Variants in ADAM11 observed in about 807,000 individuals in gnomAD.
ADAM11 encodes the protein disintegrin and metalloproteinase domain-containing protein 11.
A neutral mutation model predicts 119.1 loss-of-function variants in ADAM11; 49 were observed. The ratio of observed to expected loss-of-function variants is 0.41; its 90% CI spans 0.33 to 0.52. The LOEUF is 0.52. ADAM11 is among the 20% of genes least tolerant of loss of function. The probability of loss-of-function intolerance (pLI) is 0.20; values close to 1 mark genes in which losing one functional copy is unlikely to be tolerated. For synonymous variants in ADAM11, 364 were observed against 408.0 expected, an observed-to-expected ratio of 0.89 and a Z score of 1.30; for missense variants, 777 against 1,047.5, an observed-to-expected ratio of 0.74 and a Z score of 3.56.
chr17:44,775,652 C>T lies in ADAM11; in HGVS notation c.1461C>T (p.Asp487=). Residue 487 remains aspartate (D), a synonymous_variant, in exon 17 of 27, where the codon GAC becomes GAT. Transcript: ENST00000200557. This position sits in a 1 kb window ranked among gnomAD's most constrained non-coding sequence, Gnocchi z 7.5. ...TGACTCACGACGCCATGTGCAGCGA[C>T]GGGCTCTGCTGTCGCCGCTGCAAGG... ...CTLTHDAMCS[D]GLCCRRCKYE... is the part of the protein sequence containing the mutation. 2 of 1,590,450 alleles carry T rather than the reference C, an allele frequency of 1.3e-6. No individual in the cohort carries two copies. Among genetic ancestry groups the T allele is most frequent in the East Asian group, 4.5e-5 (2 of 44,230 alleles).
chr17:44,762,941 G>C (rs1254497567), intron 2 of ADAM11, among the ~76,000 whole-genome samples: 1 of 151,118 alleles, frequency 6.6e-6, no homozygotes, highest in East Asian at 1.9e-4. Context: ...GACTAGCCTG[G>C]GCACCATAGT....
In ADAM11 at chr17:44,769,892, A is replaced by G. The variant is rs752613329; in HGVS notation, c.315-90A>G. 19 of 1,604,394 alleles carry G rather than the reference A, an allele frequency of 1.2e-5. No homozygotes were observed. In the Admixed American group the frequency reaches 3.0e-4, roughly 25 times the overall value. On this transcript the variant is annotated intron_variant, in intron 3 of 26. Coordinates refer to ENST00000200557, the MANE Select transcript of ADAM11 (RefSeq NM_002390.6). Reference sequence around the variant, plus strand: ...GGGGGTCTGGGGGTTGGGCCTGGGCAGAGGGGACCTGGGTCCTGACCTGAG... The same window carrying G: ...GGGGGTCTGGGGGTTGGGCCTGGGCGGAGGGGACCTGGGTCCTGACCTGAG...
In ADAM11 at chr17:44,776,068, G is replaced by A. The variant is rs2049597126; in HGVS notation, c.1486-59G>A. 3 of 1,592,540 alleles carry A rather than the reference G, an allele frequency of 1.9e-6. No homozygotes were observed. The African/African-American group carries it at 4.0e-5, about 21-fold the overall frequency. ...GGGGGTCCAGAGAGCGAGGGGCCTG[G>A]GGAGGGCAGGGCCGAGGCATCCATC... is the stretch of plus-strand genomic sequence containing the variant. On this transcript the variant is annotated intron_variant, in intron 17 of 26. Transcript: ENST00000200557. This position sits in a 1 kb window ranked among gnomAD's most constrained non-coding sequence, Gnocchi z 5.2.
intron 4 of ADAM11, 125 bp downstream of exon 4, chr17:44,770,173 A>G (rs2049502528): frequency 6.0e-6 from 7 of 1,167,852 alleles, no homozygotes; most frequent in South Asian, 1.4e-5. Context: ...GCCCCTCAGC[A>G]CCTTCCCTCT....
rs2049596269 is a variant in ADAM11, at chr17:44,776,032, C to T, written c.1486-95C>T. 1.4e-6 allele frequency: 2 copies of T among 1,428,666 alleles called. No homozygotes were observed. Among genetic ancestry groups the T allele is most frequent in the Non-Finnish European group, 2.0e-6 (2 of 1,024,672 alleles). 88.5% of individuals were successfully genotyped at this position (1,428,666 alleles called of 1,614,324 possible). On this transcript the variant is annotated intron_variant, in intron 17 of 26. Coordinates refer to ENST00000200557, the MANE Select transcript of ADAM11 (RefSeq NM_002390.6). This position sits in a 1 kb window ranked among gnomAD's most constrained non-coding sequence, Gnocchi z 5.2. Reference sequence around the variant, plus strand: ...AACGGGGCCCTGGGGAGCTGGAGGGCCCGGGGATGTGGGGGTCCAGAGAGC... The same window carrying T: ...AACGGGGCCCTGGGGAGCTGGAGGGTCCGGGGATGTGGGGGTCCAGAGAGC...
intron 25 of ADAM11, among the ~76,000 whole-genome samples, chr17:44,778,713 A>AAAAG (rs71136047): frequency 0.043 from 3,462 of 80,218 alleles, 712 homozygotes; most frequent in African/African-American, 0.11. Context: ...AAAAAAAAAA[A>AAAAG]GAAAGAAAGA....
chr17:44,774,411 G>A (rs1312519614), intron 12 of ADAM11, 32 bp downstream of exon 12: 4 of 1,540,380 alleles, frequency 2.6e-6, no homozygotes, highest in Admixed American at 1.9e-5. Flanking sequence ...CTGGGGTGGC[G>A]GCTGAGGGAA....
Position 44,772,486 on chromosome 17 carries a change from C to T in ADAM11, c.678+20C>T. 1 of 1,557,180 alleles carries T rather than the reference C, an allele frequency of 6.4e-7. No homozygotes were observed. The highest frequency in any genetic ancestry group is 1.2e-5 in the South Asian group (1 of 84,750). The stretch of plus-strand genomic sequence containing the variant: ...AGGCAGGTACGGGGGCCCGCACAGA[C>T]CTCGGGCTGCAGAGACCTCGGGCTG... On this transcript the variant is annotated intron_variant, in intron 8 of 26. Transcript: ENST00000200557. The surrounding 1 kb of genome is among the most constrained non-coding windows in gnomAD (Gnocchi z 4.5).
chr17:44,777,972 G>A lies in ADAM11; in HGVS notation c.2091G>A (p.Lys697=), dbSNP rs1200798925. The A allele has an allele frequency of 1.2e-6, 2 of 1,614,092 alleles. No individual in the cohort carries two copies. The highest frequency in any genetic ancestry group is 8.5e-7 in the Non-Finnish European group (1 of 1,180,014). Residue 697 remains lysine (K), a synonymous_variant, in exon 24 of 27, where the codon AAG becomes AAA. Transcript: ENST00000200557. This position sits in a 1 kb window ranked among gnomAD's most constrained non-coding sequence, Gnocchi z 5.1. The part of the protein sequence containing the change: ...SHHGVCSNEG[K]CICQPDWTGK... ...TCTAGGTCTGCAGCAATGAAGGGAA[G>A]TGCATCTGTCAGCCAGACTGGACAG... is the stretch of plus-strand genomic sequence containing the variant.
rs751384064 is a variant in ADAM11, at chr17:44,774,572, G to A, written c.1158G>A (p.Arg386=). ...QNLGMMWNKH[R]SSAGDCKCPD... is the part of the protein sequence containing the mutation. ...TGGGCATGATGTGGAACAAACACCG[G>A]AGCTCGGCAGGTATCCTCCCCCAGA... is the stretch of plus-strand genomic sequence containing the variant. The change falls in exon 13 of 27, where the codon CGG becomes CGA. Residue 386 remains arginine (R), a synonymous_variant. Transcript: ENST00000200557. 6.2e-7 allele frequency: 1 copy of A among 1,613,134 alleles called. No homozygotes were observed. The highest frequency in any genetic ancestry group is 2.2e-5 in the East Asian group (1 of 44,864).
Position 44,780,098 on chromosome 17 carries a change from C to A in ADAM11, c.*344C>A, listed in dbSNP as rs1270788813. 1.6e-6 allele frequency: 1 copy of A among 641,754 alleles called. No individual in the cohort carries two copies. Among genetic ancestry groups the A allele is most frequent in the Admixed American group, 2.1e-5 (1 of 47,944 alleles). The allele number at this position is 641,754 out of a possible 1,614,324, so 39.8% of individuals were successfully genotyped here. A position where few individuals can be genotyped will look rare whatever the true frequency, so the allele number is the denominator to read the frequency against. Reference sequence around the variant, plus strand: ...TGCCCCCAGGCAGCCACCAGTGGACCTAGCCTGGATGGCCCCTCCTTGCAA... The same window carrying A: ...TGCCCCCAGGCAGCCACCAGTGGACATAGCCTGGATGGCCCCTCCTTGCAA... On this transcript the variant is annotated 3_prime_UTR_variant, in exon 27 of 27. Coordinates refer to ENST00000200557, the MANE Select transcript of ADAM11 (RefSeq NM_002390.6).
intron 26 of ADAM11, 56 bp from the exon 27 acceptor site, chr17:44,779,683 G>A (rs1457341254): frequency 5.1e-6 from 8 of 1,560,668 alleles, no homozygotes; most frequent in Non-Finnish European, 6.0e-6. Context: ...CCTGCTGGGG[G>A]GCTCTCCCCG....
At position 44,775,349 on chromosome 17, in the gene ADAM11, T is replaced by A. The variant is rs1471123028; in HGVS notation, c.1320+38T>A. The A allele has an allele frequency of 1.9e-6, 3 of 1,613,138 alleles. No homozygotes were observed. In the African/African-American group the frequency reaches 4.0e-5, roughly 22 times the overall value. The stretch of plus-strand genomic sequence containing the variant: ...CGGCGGGGAGCATGGGAGCGGGCCC[T>A]GGGCGGGGTCCGGGCCAGACTCCCG... On this transcript the variant is annotated intron_variant, in intron 15 of 26. Coordinates refer to ENST00000200557, the MANE Select transcript of ADAM11 (RefSeq NM_002390.6). The surrounding 1 kb of genome is among the most constrained non-coding windows in gnomAD (Gnocchi z 7.5).
intron 2 of ADAM11, 85 bp from the exon 3 acceptor site, chr17:44,769,633 G>T: frequency 2.4e-6 from 2 of 819,048 alleles, no homozygotes; most frequent in Non-Finnish European, 2.0e-6. Flanking sequence ...CCCTTCCCCA[G>T]GGCTACTGTT....
At position 44,774,343 on chromosome 17, in the gene ADAM11, C is replaced by T; in HGVS notation, c.1041C>T (p.Gly347=). Residue 347 remains glycine (G), a synonymous_variant, in exon 12 of 27, where the codon GGC becomes GGT. Transcript: ENST00000200557. ...GCAGCGGGGCAGCCTACGTGGGGGGCATATGCTCCCTGTCCCACGGCGGGG... is the reference window on the plus strand; with the variant it reads ...GCAGCGGGGCAGCCTACGTGGGGGGTATATGCTCCCTGTCCCACGGCGGGG... ...STSSGAAYVG[G]ICSLSHGGGV... The T allele has an allele frequency of 1.3e-6, 2 of 1,485,280 alleles. No individual in the cohort carries two copies. The highest frequency in any genetic ancestry group is 1.8e-6 in the Non-Finnish European group (2 of 1,112,700). 92.0% of individuals were successfully genotyped at this position (1,485,280 alleles called of 1,614,324 possible).
Position 44,779,905 on chromosome 17 carries a change from C to A in ADAM11, c.*151C>A. 8.7e-7 allele frequency: 1 copy of A among 1,150,884 alleles called. No individual in the cohort carries two copies. The highest frequency in any genetic ancestry group is 1.3e-6 in the Non-Finnish European group (1 of 792,240). 71.3% of individuals were successfully genotyped at this position (1,150,884 alleles called of 1,614,324 possible). On this transcript the variant is annotated 3_prime_UTR_variant, in exon 27 of 27. Coordinates refer to ENST00000200557, the MANE Select transcript of ADAM11 (RefSeq NM_002390.6). ...GGCTCCGCAGGGGTTTGGGTGGGGG[C>A]TGTGGCCCTGCCCTTGGCACCACCA...
At chr17:44,765,385 A>C (rs1197291778) in intron 2 of ADAM11, among the ~76,000 whole-genome samples, 8 of 152,262 alleles carry the variant, frequency 5.3e-5, no homozygotes, top group African/African-American at 1.9e-4. Flanking sequence ...CCTGACAGGT[A>C]AATCACACCA....
At position 44,779,719 on chromosome 17, in the gene ADAM11, A is replaced by T. The variant is rs1485668627; in HGVS notation, c.2295-20A>T. ...TGGCCCCTGCTCACGTCCTCCCCTG[A>T]TGCCCCCTCTCCGTTCCAGGTCCGG... is the stretch of plus-strand genomic sequence containing the variant. On this transcript the variant is annotated intron_variant, in intron 26 of 26. Coordinates refer to ENST00000200557, the MANE Select transcript of ADAM11 (RefSeq NM_002390.6). 6.3e-7 allele frequency: 1 copy of T among 1,591,468 alleles called. No individual in the cohort carries two copies. Among genetic ancestry groups the T allele is most frequent in the Non-Finnish European group, 8.5e-7 (1 of 1,173,732 alleles).
chr17:44,780,061 C>T lies in ADAM11; in HGVS notation c.*307C>T, dbSNP rs952135676. 1.5e-6 allele frequency: 1 copy of T among 681,554 alleles called. No individual in the cohort carries two copies. Among genetic ancestry groups the T allele is most frequent in the South Asian group, 1.5e-5 (1 of 66,588 alleles). 42.2% of individuals were successfully genotyped at this position (681,554 alleles called of 1,614,324 possible). ...GGATTGCCACAGCTCAACTCGGGGG[C>T]GCCTGGAGGGATGCCCCCAGGCAGC... On this transcript the variant is annotated 3_prime_UTR_variant, in exon 27 of 27. Coordinates refer to ENST00000200557, the MANE Select transcript of ADAM11 (RefSeq NM_002390.6).
Sources: gnomAD v4.1 joint callset for allele counts (sites outside exome capture counted in the v4.1 genomes callset) on GRCh38, gnomAD v4.1.1 for gene constraint, Gnocchi (gnomAD v3.1) non-coding constraint, MANE v1.5 for transcripts, NCBI Gene and HGNC (gene_info 2026-07-23, HGNC 2026-07-21) for gene names.